The following PTPRT variants were observed in gnomAD, a reference collection of about 807,000 sequenced individuals.
PTPRT encodes the protein receptor-type tyrosine-protein phosphatase T.
Under a neutral mutation model 176.8 loss-of-function variants are expected in PTPRT, and 56 were observed. That is an observed-to-expected ratio of 0.32 (90% CI 0.26 to 0.40). The LOEUF is 0.40. Ranked by LOEUF, PTPRT falls within the 10% of genes least tolerant of loss-of-function variation. The pLI, the probability that PTPRT is intolerant of heterozygous loss-of-function variation, is 1.00. For synonymous variants in PTPRT, 783 were observed against 739.0 expected (o/e 1.06, Z -0.96); for missense variants, 1,540 against 1,908.2 (o/e 0.81, Z 3.60).
chr20:42,064,116 A>G, the PTPRT span: 1 of 151,676 alleles, frequency 6.6e-6, no homozygotes, highest in Non-Finnish European at 1.5e-5. Context: ...TGTCTTCCCA[A>G]TATCTGGTGT....
intron 1 of PTPRT, among the ~76,000 whole-genome samples, chr20:43,158,313 G>A (rs545849926): frequency 6.6e-6 from 1 of 152,200 alleles, no homozygotes; most frequent in Admixed American, 6.5e-5. Flanking sequence ...AGCTGGTTTG[G>A]AGAATTAGGA....
At chr20:42,298,457 C>T (rs1276565190) in intron 12 of PTPRT, among the ~76,000 whole-genome samples, 1 of 152,094 alleles carries the variant, frequency 6.6e-6, no homozygotes, top group African/African-American at 2.4e-5. Context: ...TGTATTAGTC[C>T]ACCCTTTAAT....
chr20:43,007,793 G>C (rs1984927187), intron 1 of PTPRT, among the ~76,000 whole-genome samples: 1 of 152,208 alleles, frequency 6.6e-6, no homozygotes, highest in African/African-American at 2.4e-5. Context: ...TTCAGGCTCA[G>C]AAAAATAGTT....
intron 2 of PTPRT, among the ~76,000 whole-genome samples, chr20:42,865,561 A>C (rs967009420): frequency 6.6e-6 from 1 of 152,160 alleles, no homozygotes; most frequent in African/African-American, 2.4e-5. Flanking sequence ...GATGGGTGTT[A>C]AATGCAAAAT....
At chr20:42,304,470 T>G (rs2057515343) in intron 12 of PTPRT, among the ~76,000 whole-genome samples, 2 of 152,168 alleles carry the variant, frequency 1.3e-5, no homozygotes, top group Non-Finnish European at 2.9e-5. Context: ...AGAAACATTC[T>G]TATAAAGTTG....
chr20:42,869,815 G>C lies in PTPRT; in HGVS notation c.214+15992C>G, dbSNP rs2078813976. Among the ~76,000 whole-genome samples the C allele has an allele frequency of 2.0e-5, 3 of 152,166 alleles. No homozygotes were observed. The South Asian group carries it at 6.2e-4, about 32-fold the overall frequency. On this transcript the variant is annotated intron_variant, in intron 2 of 30. Coordinates refer to ENST00000373187, the MANE Select transcript of PTPRT (RefSeq NM_007050.6). ...GTGTACCTGCAAAATTCACATGTTG[G>C]AACTTAAACTCTAAAGTGACAGTAT...
At chr20:42,353,517 T>C (rs2145532514) in intron 9 of PTPRT, among the ~76,000 whole-genome samples, 1 of 152,332 alleles carries the variant, frequency 6.6e-6, no homozygotes, top group East Asian at 1.9e-4. Context: ...TCTACACCTG[T>C]GGAATGATTT....
intron 1 of PTPRT, among the ~76,000 whole-genome samples, chr20:43,082,968 C>T (rs1056969773): frequency 2.0e-5 from 3 of 152,028 alleles, no homozygotes; most frequent in Non-Finnish European, 2.9e-5. Flanking sequence ...TTCCCTAATT[C>T]GTATTTTTCC....
chr20:43,125,836 A>G (rs1418459303), intron 1 of PTPRT, among the ~76,000 whole-genome samples: 1 of 152,214 alleles, frequency 6.6e-6, no homozygotes, highest in Non-Finnish European at 1.5e-5. Flanking sequence ...GAACTTGCTG[A>G]TTACATTTTG....
intron 9 of PTPRT, among the ~76,000 whole-genome samples, chr20:42,445,116 G>C (rs1001639468): frequency 1.3e-5 from 2 of 152,124 alleles, no homozygotes; most frequent in African/African-American, 4.8e-5. Context: ...TAATGCCGCT[G>C]GTCTATGGAC....
chr20:42,857,688 C>A (rs1167604207), intron 2 of PTPRT, among the ~76,000 whole-genome samples: 1 of 152,190 alleles, frequency 6.6e-6, no homozygotes, highest in African/African-American at 2.4e-5. Flanking sequence ...GAAACCTCAG[C>A]TGTCTTCCTA....
At chr20:42,951,098 T>C (rs1016408590) in intron 1 of PTPRT, among the ~76,000 whole-genome samples, 1 of 152,160 alleles carries the variant, frequency 6.6e-6, no homozygotes, top group African/African-American at 2.4e-5. Flanking sequence ...AAATGATAGA[T>C]GGATGAGAGA....
At chr20:42,550,102 C>T (rs1001685411) in intron 7 of PTPRT, among the ~76,000 whole-genome samples, 5 of 152,112 alleles carry the variant, frequency 3.3e-5, no homozygotes, top group Non-Finnish European at 7.4e-5. Flanking sequence ...GAATAGCTAT[C>T]GCTTTGTCTT....
intron 2 of PTPRT, among the ~76,000 whole-genome samples, chr20:42,808,622 A>C (rs2077648804): frequency 6.6e-6 from 1 of 152,148 alleles, no homozygotes; most frequent in African/African-American, 2.4e-5. Flanking sequence ...GTAATAAAAT[A>C]TTCATTTCAC....
At chr20:42,691,506 C>T (rs556095639) in intron 6 of PTPRT, among the ~76,000 whole-genome samples, 1 of 152,274 alleles carries the variant, frequency 6.6e-6, no homozygotes, top group South Asian at 2.1e-4. Flanking sequence ...TCTGAAGTGT[C>T]AGGAAGGGGT....
At chr20:42,598,885 C>G (rs2073724473) in intron 7 of PTPRT, among the ~76,000 whole-genome samples, 1 of 152,160 alleles carries the variant, frequency 6.6e-6, no homozygotes, top group Non-Finnish European at 1.5e-5. Flanking sequence ...CCTCCAGTGC[C>G]TGTCACAGGG....
intron 15 of PTPRT, among the ~76,000 whole-genome samples, chr20:42,209,524 C>T (rs1009045046): frequency 7.0e-4 from 106 of 152,268 alleles, no homozygotes; most frequent in African/African-American, 1.1e-3. Flanking sequence ...AACACCTCTA[C>T]GCAAATGAAC....
chr20:43,006,176 A>C (rs1286724972), intron 1 of PTPRT, among the ~76,000 whole-genome samples: 1 of 152,222 alleles, frequency 6.6e-6, no homozygotes, highest in African/African-American at 2.4e-5. Context: ...GACATTGAGC[A>C]AGAGGATACA....
chr20:42,524,236 T>C (rs1362133599), intron 7 of PTPRT, among the ~76,000 whole-genome samples: 3 of 152,204 alleles, frequency 2.0e-5, no homozygotes, highest in Admixed American at 6.5e-5. Flanking sequence ...CCAATTTCCT[T>C]GCTCACCACT....
Sources: gnomAD v4.1 joint callset for allele counts (sites outside exome capture counted in the v4.1 genomes callset) on GRCh38, gnomAD v4.1.1 for gene constraint, MANE v1.5 for transcripts, NCBI Gene and HGNC (gene_info 2026-07-23, HGNC 2026-07-21) for gene names.